Variants in ZBTB11 observed in about 807,000 individuals in gnomAD.
The protein encoded by ZBTB11 is zinc finger and BTB domain containing 11.
A neutral mutation model predicts 113.1 loss-of-function variants in ZBTB11; 68 were observed. That is an observed-to-expected ratio of 0.60 (90% CI 0.49 to 0.74). The LOEUF is 0.74. Among genes scored for constraint, ZBTB11 ranks in the 30% least tolerant of loss-of-function variants. The pLI is 0.00. For missense variants in ZBTB11, 1,104 were observed against 1,279.4 expected, an observed-to-expected ratio of 0.86 and a Z score of 2.09; for synonymous variants, 518 against 452.6, an observed-to-expected ratio of 1.14 and a Z score of -1.83.
Position 101,664,614 on chromosome 3 carries a change from C to T in ZBTB11, c.1724G>A (p.Gly575Glu). 3.1e-6 allele frequency: 5 copies of T among 1,613,908 alleles called. No individual in the cohort carries two copies. Among genetic ancestry groups the T allele is most frequent in the Non-Finnish European group, 4.2e-6 (5 of 1,179,932 alleles). The change falls in exon 5 of 11, where the codon GGA becomes GAA. Residue 575 changes from glycine (G) to glutamate (E), a missense_variant. Physicochemically the swap from Gly to Glu is moderately conservative, Grantham distance 98. Coordinates refer to ENST00000312938, the MANE Select transcript of ZBTB11 (RefSeq NM_014415.4). ...GGCGTATCGTCTCTGAAAAACCATTCCACATTCCCCACATTTATGAGATGC... is the reference window on the plus strand; with the variant it reads ...GGCGTATCGTCTCTGAAAAACCATTTCACATTCCCCACATTTATGAGATGC... Reference protein sequence around the residue: ...EEASHKCGECGMVFQRRYALI... With the variant: ...EEASHKCGECEMVFQRRYALI...
chr3:101,661,663 T>C (rs1333950343), intron 5 of ZBTB11, among the ~76,000 whole-genome samples: 1 of 152,244 alleles, frequency 6.6e-6, no homozygotes, highest in Non-Finnish European at 1.5e-5. Context: ...ATGTTATTGT[T>C]TGTCCTCTGG....
intron 2 of ZBTB11, chr3:101,671,581 T>G (rs1282410688): frequency 1.7e-6 from 1 of 584,842 alleles, no homozygotes; most frequent in East Asian, 2.8e-5. Flanking sequence ...ATCTCACTTC[T>G]GGCTGCCTCT....
chr3:101,654,925 T>G, intron 7 of ZBTB11, 104 bp from the exon 8 acceptor site: 1 of 793,750 alleles, frequency 1.3e-6, no homozygotes, highest in Non-Finnish European at 2.1e-6. Flanking sequence ...CCAGGTTGGA[T>G]GGAGTGCAGT....
At chr3:101,668,192 A>G (rs1172427301) in intron 3 of ZBTB11, among the ~76,000 whole-genome samples, 2 of 152,078 alleles carry the variant, frequency 1.3e-5, no homozygotes, top group Non-Finnish European at 2.9e-5. Flanking sequence ...TATGGTTATT[A>G]GAAGATGGGC....
At chr3:101,671,040 G>A in intron 3 of ZBTB11, 90 bp downstream of exon 3, 1 of 1,062,714 alleles carries the variant, frequency 9.4e-7, no homozygotes, top group Non-Finnish European at 1.4e-6. Flanking sequence ...CTCTTACTTT[G>A]GCATAAAGTC....
At chr3:101,669,789 T>C (rs1262186601) in intron 3 of ZBTB11, among the ~76,000 whole-genome samples, 1 of 151,994 alleles carries the variant, frequency 6.6e-6, no homozygotes, top group Non-Finnish European at 1.5e-5. Flanking sequence ...ATGCAGTGGA[T>C]GCTTAATAAA....
intron 6 of ZBTB11, among the ~76,000 whole-genome samples, chr3:101,658,059 A>C (rs953660669): frequency 4.6e-5 from 7 of 152,190 alleles, no homozygotes; most frequent in Non-Finnish European, 7.3e-5. Context: ...AGCACAATTC[A>C]GTTGCAAAAA....
intron 2 of ZBTB11, chr3:101,671,573 C>T (rs1391904031): frequency 3.4e-6 from 2 of 585,324 alleles, no homozygotes; most frequent in African/African-American, 3.7e-5. Context: ...AAATCTGTAT[C>T]TCACTTCTGG....
intron 3 of ZBTB11, among the ~76,000 whole-genome samples, chr3:101,668,158 G>T (rs1937026072): frequency 6.7e-6 from 1 of 150,286 alleles, no homozygotes; most frequent in East Asian, 2.0e-4. Flanking sequence ...AAAAAACTTA[G>T]ATCATACAAG....
intron 9 of ZBTB11, 41 bp downstream of exon 9, chr3:101,652,739 A>G (rs1385258145): frequency 6.2e-7 from 1 of 1,610,120 alleles, no homozygotes; most frequent in Admixed American, 1.7e-5. Context: ...CAGAGTACAC[A>G]CGTTATCAAT....
At chr3:101,655,158 G>C (rs993818903) in intron 7 of ZBTB11, among the ~76,000 whole-genome samples, 1 of 152,216 alleles carries the variant, frequency 6.6e-6, no homozygotes, top group Non-Finnish European at 1.5e-5. Flanking sequence ...TTACAGGCAT[G>C]AGCCACCACG....
chr3:101,673,998 C>T (rs1215458951), intron 1 of ZBTB11, among the ~76,000 whole-genome samples: 4 of 150,158 alleles, frequency 2.7e-5, no homozygotes, highest in Non-Finnish European at 5.9e-5. Flanking sequence ...CCTGTTTAAC[C>T]TAGGAATTTG....
chr3:101,654,556 A>C (rs1314942612), intron 8 of ZBTB11, 148 bp downstream of exon 8: 1 of 616,718 alleles, frequency 1.6e-6, no homozygotes, highest in African/African-American at 1.8e-5. Flanking sequence ...GAAGATGTTA[A>C]AAATAGTAAC....
At chr3:101,666,053 G>A (rs897288753) in intron 3 of ZBTB11, among the ~76,000 whole-genome samples, 1 of 152,064 alleles carries the variant, frequency 6.6e-6, no homozygotes, top group Admixed American at 6.5e-5. Flanking sequence ...TTGCTGTAAG[G>A]CAGTCATTTT....
chr3:101,651,800 G>T, intron 10 of ZBTB11, 117 bp from the exon 11 acceptor site: 1 of 1,068,938 alleles, frequency 9.4e-7, no homozygotes, highest in Non-Finnish European at 1.3e-6. Flanking sequence ...CTTTCTATCT[G>T]GACTGTGGCA....
intron 3 of ZBTB11, among the ~76,000 whole-genome samples, chr3:101,666,037 C>G (rs1936991166): frequency 6.6e-6 from 1 of 152,136 alleles, no homozygotes; most frequent in Non-Finnish European, 1.5e-5. Flanking sequence ...CTTACTACCT[C>G]AAGAGTTGCT....
Position 101,677,044 on chromosome 3 carries a change from C to CCTTCG in ZBTB11, c.-131_-130insCGAAG. 19 of 1,031,624 alleles carry CCTTCG rather than the reference C, an allele frequency of 1.8e-5. No homozygotes were observed. The highest frequency in any genetic ancestry group is 2.4e-5 in the Non-Finnish European group (18 of 737,640). The allele number at this position is 1,031,624 out of a possible 1,614,324, so 63.9% of individuals were successfully genotyped here. On this transcript the variant is annotated 5_prime_UTR_variant, in exon 1 of 11. Coordinates refer to ENST00000312938, the MANE Select transcript of ZBTB11 (RefSeq NM_014415.4). ...GGCTGCGCCTTTGGCGAGCGCTCTT[C>CCTTCG]GACGGCTCCCTTAGTCCGAAGGAAA...
intron 4 of ZBTB11, 106 bp from the exon 5 acceptor site, chr3:101,664,820 T>TTAA (rs1936953256): frequency 2.7e-6 from 4 of 1,465,652 alleles, no homozygotes. Flanking sequence ...CATTATCTTA[T>TTAA]TAATACTGGC....
intron 3 of ZBTB11, among the ~76,000 whole-genome samples, chr3:101,668,611 A>G (rs2108325752): frequency 7.0e-6 from 1 of 143,506 alleles, no homozygotes; most frequent in African/African-American, 2.5e-5. Flanking sequence ...TGACAGAATA[A>G]GATTCTGTCA....
Sources: gnomAD v4.1 joint callset for allele counts (sites outside exome capture counted in the v4.1 genomes callset) on GRCh38, gnomAD v4.1.1 for gene constraint, MANE v1.5 for transcripts, NCBI Gene and HGNC (gene_info 2026-07-23, HGNC 2026-07-21) for gene names.